SYPL2: variants seen among roughly 807,000 people sequenced by gnomAD.
The protein encoded by SYPL2 is synaptophysin-like protein 2.
Under a neutral mutation model 31.3 loss-of-function variants are expected in SYPL2, and 24 were observed. That is an observed-to-expected ratio of 0.77 (90% CI 0.56 to 1.08). The LOEUF (loss-of-function observed/expected upper bound fraction) is 1.08. Ranked by LOEUF, SYPL2 falls within the 50% of genes least tolerant of loss-of-function variation. The pLI is 0.00. For missense variants in SYPL2, 342 were observed against 360.1 expected (o/e 0.95, Z 0.41); for synonymous variants, 144 against 143.1 (o/e 1.01, Z -0.05).
intron 2 of SYPL2, among the ~76,000 whole-genome samples, chr1:109,471,291 G>A (rs868253174): frequency 1.3e-5 from 2 of 152,174 alleles, no homozygotes; most frequent in Non-Finnish European, 2.9e-5. Context: ...CGACTGTATA[G>A]TGTTCAGATT....
chr1:109,471,417 G>A lies in SYPL2; in HGVS notation c.130-4164G>A, dbSNP rs140832250. Among the ~76,000 whole-genome samples the A allele has an allele frequency of 5.1e-4, 77 of 152,280 alleles. 3 individuals carry two copies. The highest frequency in any genetic ancestry group is 3.4e-3 in the Middle Eastern group (1 of 294). ...GTGTATTTTGCCCTCTGAGGAATCCGAAAGCATGATTCAGGATTGTCAGAA... is the reference window on the plus strand; with the variant it reads ...GTGTATTTTGCCCTCTGAGGAATCCAAAAGCATGATTCAGGATTGTCAGAA... On this transcript the variant is annotated intron_variant, in intron 2 of 5. Transcript: ENST00000369872.
chr1:109,475,926 A>C (rs1655986144), intron 3 of SYPL2, among the ~76,000 whole-genome samples: 1 of 152,208 alleles, frequency 6.6e-6, no homozygotes, highest in East Asian at 1.9e-4. Flanking sequence ...TGTTATAATA[A>C]TGTTCCAGTC....
At chr1:109,477,317 G>GA (rs1571065522) in intron 4 of SYPL2, among the ~76,000 whole-genome samples, 1 of 152,096 alleles carries the variant, frequency 6.6e-6, no homozygotes, top group East Asian at 1.9e-4. Context: ...GTGTGTATGT[G>GA]AAAAAATGAG....
At position 109,478,837 on chromosome 1, in the gene SYPL2, A is replaced by G. The variant is rs1656076681; in HGVS notation, c.649-541A>G. ...CACATATTTATTCACTTCTTCATCC[A>G]TCAATCCGTCTTGTTTTTAGTGCAT... On this transcript the variant is annotated intron_variant, in intron 5 of 5. Transcript: ENST00000369872. This position sits in a 1 kb window ranked among gnomAD's most constrained non-coding sequence, Gnocchi z 4.0. Among the ~76,000 whole-genome samples the G allele has an allele frequency of 6.6e-6, 1 of 152,206 alleles. No individual in the cohort carries two copies. Among genetic ancestry groups the G allele is most frequent in the Non-Finnish European group, 1.5e-5 (1 of 68,046 alleles).
chr1:109,469,415 C>T (rs1230770646), intron 2 of SYPL2, among the ~76,000 whole-genome samples: 6 of 150,792 alleles, frequency 4.0e-5, no homozygotes, highest in Non-Finnish European at 5.9e-5. Context: ...CACCTCAATT[C>T]CAATTCTGGA....
rs752233651 is a variant in SYPL2 at position 109,467,115 on chromosome 1, C to CTGGGTGA, written c.111_112insTGGGTGA (p.Ile38TrpfsTer57). 1.2e-5 allele frequency: 18 copies of CTGGGTGA among 1,544,088 alleles called. No individual in the cohort carries two copies. The highest frequency in any genetic ancestry group is 1.4e-5 in the African/African-American group (1 of 72,922). ...GGCGGCTGGAGGAGCCGCTGGGCTT[C>CTGGGTGA]ATCAAAGTTCTCCAGTGGGTGAGTC... On this transcript the variant is annotated frameshift_variant, in exon 2 of 6. Coordinates refer to ENST00000369872, the MANE Select transcript of SYPL2 (RefSeq NM_001040709.2). LOFTEE classifies it high-confidence loss of function.
chr1:109,473,756 A>C (rs2359653), intron 2 of SYPL2, among the ~76,000 whole-genome samples: 3 of 151,812 alleles, frequency 2.0e-5, no homozygotes, highest in Admixed American at 6.6e-5. Flanking sequence ...TTAGCTGGGC[A>C]TGGTGGTGGG....
At chr1:109,468,922 TAGAA>T (rs10531674) in intron 2 of SYPL2, among the ~76,000 whole-genome samples, 102,293 of 151,642 alleles carry the variant, frequency 0.67, 35,243 homozygotes, top group East Asian at 0.96. Flanking sequence ...TTCAAGTACT[TAGAA>T]AGGGGGTTGT....
In SYPL2 at chr1:109,478,844, C is replaced by T. The variant is rs373501170; in HGVS notation, c.649-534C>T. On this transcript the variant is annotated intron_variant, in intron 5 of 5. Coordinates refer to ENST00000369872, the MANE Select transcript of SYPL2 (RefSeq NM_001040709.2). This position sits in a 1 kb window ranked among gnomAD's most constrained non-coding sequence, Gnocchi z 4.0. ...TTATTCACTTCTTCATCCATCAATCCGTCTTGTTTTTAGTGCATTTCAAAG... is the reference window on the plus strand; with the variant it reads ...TTATTCACTTCTTCATCCATCAATCTGTCTTGTTTTTAGTGCATTTCAAAG... 4.6e-5 allele frequency among the ~76,000 whole-genome samples: 7 copies of T among 152,150 alleles called. No individual in the cohort carries two copies. Among genetic ancestry groups the T allele is most frequent in the Non-Finnish European group, 8.8e-5 (6 of 68,034 alleles).
In SYPL2 at chr1:109,467,097, G is replaced by C; in HGVS notation, c.93G>C (p.Leu31=). 6.5e-7 allele frequency: 1 copy of C among 1,545,130 alleles called. No homozygotes were observed. Among genetic ancestry groups the C allele is most frequent in the Non-Finnish European group, 8.7e-7 (1 of 1,145,984 alleles). Residue 31 remains leucine (L), a synonymous_variant, in exon 2 of 6, where the codon CTG becomes CTC. Coordinates refer to ENST00000369872, the MANE Select transcript of SYPL2 (RefSeq NM_001040709.2). ...TCGTGGGGCTGCGCTGGCGGCGGCT[G>C]GAGGAGCCGCTGGGCTTCATCAAAG... ...RLLVGLRWRR[L]EEPLGFIKVL... is the part of the protein sequence containing the mutation.
chr1:109,477,197 C>G (rs1337420955), intron 4 of SYPL2, among the ~76,000 whole-genome samples: 3 of 152,200 alleles, frequency 2.0e-5, no homozygotes, highest in East Asian at 1.9e-4. Context: ...CAGATCCCAG[C>G]ATGGCCCCTT....
chr1:109,475,465 C>G, intron 2 of SYPL2, 116 bp from the exon 3 acceptor site: 1 of 1,370,392 alleles, frequency 7.3e-7, no homozygotes, highest in Non-Finnish European at 9.8e-7. Context: ...TAAAGGGGAT[C>G]CTCACTCTCC....
chr1:109,469,395 C>A, intron 2 of SYPL2, among the ~76,000 whole-genome samples: 1 of 149,530 alleles, frequency 6.7e-6, no homozygotes. Flanking sequence ...ATTGAGAAAT[C>A]AACTAATCTC....
chr1:109,468,605 A>G (rs887343861), intron 2 of SYPL2, among the ~76,000 whole-genome samples: 2 of 152,234 alleles, frequency 1.3e-5, no homozygotes, highest in African/African-American at 4.8e-5. Context: ...AGTGACTGGC[A>G]TCCAGAACTG....
chr1:109,467,750 GAAT>G (rs1655702317), intron 2 of SYPL2, among the ~76,000 whole-genome samples: 1 of 152,176 alleles, frequency 6.6e-6, no homozygotes, highest in Non-Finnish European at 1.5e-5. Flanking sequence ...AAAAAAATAA[GAAT>G]AAAAATCACG....
chr1:109,470,941 G>A (rs369522785), intron 2 of SYPL2, among the ~76,000 whole-genome samples: 3 of 152,128 alleles, frequency 2.0e-5, no homozygotes, highest in African/African-American at 7.2e-5. Flanking sequence ...TTGCTATGAC[G>A]CTCCTTTCTT....
At position 109,475,653 on chromosome 1, in the gene SYPL2, A is replaced by G. The variant is rs1655976042; in HGVS notation, c.202A>G (p.Asn68Asp). 1 of 1,614,044 alleles carries G rather than the reference A, an allele frequency of 6.2e-7. No homozygotes were observed. The highest frequency in any genetic ancestry group is 1.7e-5 in the Admixed American group (1 of 59,996). ...GACAGGAGCAATGGTTCGCTGCAAC[A>G]ACGAAGCCAAGGACGTGAGCTCCAT... Reference protein sequence around the residue: ...GETGAMVRCNNEAKDVSSIIV... With the variant: ...GETGAMVRCNDEAKDVSSIIV... The change falls in exon 3 of 6, where the codon AAC becomes GAC. Residue 68 changes from asparagine (N) to aspartate (D), a missense_variant. Asn to Asp is a conservative substitution (Grantham distance 23, BLOSUM62 1). Transcript: ENST00000369872.
At chr1:109,477,510 G>A (rs1313453372) in intron 4 of SYPL2, among the ~76,000 whole-genome samples, 1 of 152,178 alleles carries the variant, frequency 6.6e-6, no homozygotes, top group South Asian at 2.1e-4. Context: ...AGCTGGGAGG[G>A]AAGAGTGGGG....
chr1:109,479,239 G>C (rs1410173054), intron 5 of SYPL2, 139 bp from the exon 6 acceptor site: 1 of 915,008 alleles, frequency 1.1e-6, no homozygotes, highest in African/African-American at 1.6e-5. Flanking sequence ...TCTATACCGA[G>C]CTCTCTGTCT....
Sources: gnomAD v4.1 joint callset for allele counts (sites outside exome capture counted in the v4.1 genomes callset) on GRCh38, gnomAD v4.1.1 for gene constraint, Gnocchi (gnomAD v3.1) non-coding constraint, MANE v1.5 for transcripts, NCBI Gene and HGNC (gene_info 2026-07-23, HGNC 2026-07-21) for gene names.